Variants in MATR3 observed in about 807,000 individuals in gnomAD.
MATR3 encodes the protein matrin 3.
A neutral mutation model predicts 85.5 loss-of-function variants in MATR3; 4 were observed. That is an observed-to-expected ratio of 0.05 (90% CI 0.02 to 0.11). MATR3 has a LOEUF of 0.11. MATR3 is among the 10% of genes least tolerant of loss of function. The pLI is 1.00. For missense variants in MATR3, 685 were observed against 1,016.1 expected (o/e 0.67, Z 4.43); for synonymous variants, 336 against 343.1 (o/e 0.98, Z 0.23).
intron 3 of MATR3, among the ~76,000 whole-genome samples, chr5:139,284,495 C>A (rs1373940218): frequency 6.6e-6 from 1 of 151,926 alleles, no homozygotes; most frequent in Non-Finnish European, 1.5e-5. Flanking sequence ...GTAATCCCAA[C>A]TATTTGGGTG....
intron 12 of MATR3, chr5:139,325,212 C>G: frequency 6.7e-7 from 1 of 1,495,706 alleles, no homozygotes; most frequent in Non-Finnish European, 8.9e-7. Flanking sequence ...AAGGCAAAGA[C>G]GCTATCCGTT....
intron 12 of MATR3, 90 bp from the exon 13 acceptor site, chr5:139,325,350 G>C: frequency 6.3e-7 from 1 of 1,593,256 alleles, no homozygotes; most frequent in South Asian, 1.1e-5. Flanking sequence ...GGTTGGTGAT[G>C]AGGAAGATTC....
In MATR3 at chr5:139,329,615, C is replaced by T. The variant is rs1236059006; in HGVS notation, c.*220C>T. 4 of 549,072 alleles carry T rather than the reference C, an allele frequency of 7.3e-6. No individual in the cohort carries two copies. Among genetic ancestry groups the T allele is most frequent in the Non-Finnish European group, 1.4e-5 (4 of 290,536 alleles). The allele number at this position is 549,072 out of a possible 1,614,324, so 34.0% of individuals were successfully genotyped here. ...AGTTTTTGTTTTATCAGAATGGCAA[C>T]AGACAGAAGTACTTTGTAGAGATTG... On this transcript the variant is annotated 3_prime_UTR_variant, in exon 15 of 15. Transcript: ENST00000394805.
intron 14 of MATR3, among the ~76,000 whole-genome samples, chr5:139,327,412 A>C (rs1405400829): frequency 1.3e-5 from 2 of 151,592 alleles, no homozygotes; most frequent in Non-Finnish European, 2.9e-5. Flanking sequence ...GCAGCAATGT[A>C]GTACAAATTA....
rs779508126 is a variant in MATR3 at position 139,322,608 on chromosome 5, T to C, written c.1789T>C (p.Tyr597His). 2 of 1,614,078 alleles carry C rather than the reference T, an allele frequency of 1.2e-6. No individual in the cohort carries two copies. The highest frequency in any genetic ancestry group is 2.2e-5 in the East Asian group (1 of 44,884). ...LKKDKSRKRSYSPDGKESPSD... is the reference protein window; with the variant it reads ...LKKDKSRKRSHSPDGKESPSD... The stretch of plus-strand genomic sequence containing the variant: ...TCCTTTTGATTTCAGAAAAAGATCT[T>C]ACTCTCCAGATGGCAAAGAATCTCC... Residue 597 changes from tyrosine (Y) to histidine (H), a missense_variant, in exon 12 of 15, where the codon TAC becomes CAC. By Grantham distance (83) the Tyr-to-His change is moderately conservative. Transcript: ENST00000394805.
chr5:139,292,959 C>CA (rs111478854), upstream of MATR3, among the ~76,000 whole-genome samples: 1,081 of 151,828 alleles, frequency 7.1e-3, 9 homozygotes, highest in African/African-American at 0.023. Flanking sequence ...AAAAACAAAA[C>CA]AAAAAAAACA....
chr5:139,308,933 A>G (rs751371782), intron 2 of MATR3, among the ~76,000 whole-genome samples: 1 of 151,942 alleles, frequency 6.6e-6, no homozygotes, highest in Non-Finnish European at 1.5e-5. Context: ...CTTTTCCACA[A>G]CTTTCTTAAA....
chr5:139,312,460 CT>C (rs2151974108), intron 2 of MATR3: 1 of 152,254 alleles, frequency 6.6e-6, no homozygotes, highest in East Asian at 1.9e-4. Flanking sequence ...CCAGTTGAAA[CT>C]TTAGATATCC....
intron 1 of MATR3, chr5:139,276,089 T>G: frequency 2.2e-6 from 1 of 456,794 alleles, no homozygotes; most frequent in Non-Finnish European, 4.4e-6. Flanking sequence ...TGTTCACTGT[T>G]GGCTGACTAA....
intron 2 of MATR3, chr5:139,313,110 C>T (rs918825736): frequency 2.0e-5 from 3 of 149,282 alleles, no homozygotes; most frequent in Admixed American, 6.7e-5. Context: ...AATTTGGTAC[C>T]TTGGTACCTT....
chr5:139,292,074 G>C (rs529352120), upstream of MATR3: 3 of 150,662 alleles, frequency 2.0e-5, no homozygotes, highest in African/African-American at 4.9e-5. Flanking sequence ...CTCCGTACCA[G>C]GTGAGTAGCT....
chr5:139,307,164 C>CAT lies in MATR3; in HGVS notation c.-177-73_-177-72dup. 9.6e-7 allele frequency: 1 copy of CAT among 1,038,456 alleles called. No homozygotes were observed. Among genetic ancestry groups the CAT allele is most frequent in the Non-Finnish European group, 1.2e-6 (1 of 830,206 alleles). 64.3% of individuals were successfully genotyped at this position (1,038,456 alleles called of 1,614,324 possible). A position where few individuals can be genotyped will look rare whatever the true frequency, so the allele number is the denominator to read the frequency against. Reference sequence around the variant, plus strand: ...GTTTTTTTTTTAAATCAACATGATGCATAAGTTTTTTTTTCTTAAAAAAAC... The same window carrying CAT: ...GTTTTTTTTTTAAATCAACATGATGCATATAAGTTTTTTTTTCTTAAAAAAAC... On this transcript the variant is annotated intron_variant, in intron 1 of 14. Coordinates refer to ENST00000394805, the MANE Select transcript of MATR3 (RefSeq NM_018834.6). The surrounding 1 kb of genome is among the most constrained non-coding windows in gnomAD (Gnocchi z 4.4).
Position 139,330,948 on chromosome 5 carries a change from A to G in MATR3, c.*1553A>G, listed in dbSNP as rs1214279444. On this transcript the variant is annotated 3_prime_UTR_variant, in exon 15 of 15. Coordinates refer to ENST00000394805, the MANE Select transcript of MATR3 (RefSeq NM_018834.6). Reference sequence around the variant, plus strand: ...TGGGACTACAGGCTCATGCCACTATACCTGGCTAGTTTTTGGTTTTTTTGT... The same window carrying G: ...TGGGACTACAGGCTCATGCCACTATGCCTGGCTAGTTTTTGGTTTTTTTGT... 2.2e-6 allele frequency: 1 copy of G among 453,854 alleles called. No homozygotes were observed. Among genetic ancestry groups the G allele is most frequent in the Non-Finnish European group, 4.4e-6 (1 of 226,784 alleles). The allele number at this position is 453,854 out of a possible 1,614,324, so 28.1% of individuals were successfully genotyped here.
intron 1 of MATR3, chr5:139,276,018 G>C: frequency 2.2e-6 from 1 of 456,672 alleles, no homozygotes; most frequent in South Asian, 1.5e-5. Flanking sequence ...GTCTGCTATT[G>C]TTTCTGTGGC....
chr5:139,288,108 C>T (rs146564615), intron 3 of MATR3, among the ~76,000 whole-genome samples: 4 of 152,126 alleles, frequency 2.6e-5, no homozygotes, highest in Admixed American at 6.5e-5. Context: ...CCCAGGTACT[C>T]GGAGGCTGAG....
In MATR3 at chr5:139,307,372, A is replaced by G; in HGVS notation, c.-44A>G. On this transcript the variant is annotated 5_prime_UTR_variant, in exon 2 of 15. Transcript: ENST00000394805. The surrounding 1 kb of genome is among the most constrained non-coding windows in gnomAD (Gnocchi z 4.4). ...TTTCTTTTTGGCCGTCTTTAAAAAAATTTTTTTTTTTAATCTATAAAATAG... is the reference window on the plus strand; with the variant it reads ...TTTCTTTTTGGCCGTCTTTAAAAAAGTTTTTTTTTTTAATCTATAAAATAG... 6.7e-7 allele frequency: 1 copy of G among 1,496,406 alleles called. No individual in the cohort carries two copies. Among genetic ancestry groups the G allele is most frequent in the Non-Finnish European group, 9.0e-7 (1 of 1,115,822 alleles). The allele number at this position is 1,496,406 out of a possible 1,614,324, so 92.7% of individuals were successfully genotyped here.
chr5:139,276,066 T>C (rs979071344), intron 1 of MATR3: 2 of 456,646 alleles, frequency 4.4e-6, no homozygotes, highest in Non-Finnish European at 8.8e-6. Flanking sequence ...GGAGGGACTC[T>C]GAGCTGCACA....
chr5:139,306,085 C>G (rs1371169046), intron 1 of MATR3, among the ~76,000 whole-genome samples: 1 of 151,536 alleles, frequency 6.6e-6, no homozygotes, highest in Non-Finnish European at 1.5e-5. Context: ...TACCAAACAA[C>G]TTCAGATTTA....
At chr5:139,308,770 C>G (rs1178556794) in intron 2 of MATR3, among the ~76,000 whole-genome samples, 3 of 151,916 alleles carry the variant, frequency 2.0e-5, no homozygotes, top group Non-Finnish European at 4.4e-5. Context: ...TCTTTTTTTC[C>G]TTATCTGTGG....
Sources: gnomAD v4.1 joint callset for allele counts (sites outside exome capture counted in the v4.1 genomes callset) on GRCh38, gnomAD v4.1.1 for gene constraint, Gnocchi (gnomAD v3.1) non-coding constraint, MANE v1.5 for transcripts, NCBI Gene and HGNC (gene_info 2026-07-23, HGNC 2026-07-21) for gene names.